Variants in WWP1 observed in about 807,000 individuals in gnomAD.
The protein encoded by WWP1 is NEDD4-like E3 ubiquitin-protein ligase WWP1.
Under a neutral mutation model 130.6 loss-of-function variants are expected in WWP1, and 49 were observed. The observed-to-expected ratio is 0.38, with a 90% CI of 0.30 to 0.48. The LOEUF is 0.48. WWP1 is among the 20% of genes least tolerant of loss of function. The pLI, the probability that WWP1 is intolerant of heterozygous loss-of-function variation, is 0.99. For synonymous variants in WWP1, 332 were observed against 367.8 expected, an observed-to-expected ratio of 0.90 and a Z score of 1.11; for missense variants, 809 against 1,100.6, an observed-to-expected ratio of 0.74 and a Z score of 3.75.
chr8:86,457,164 AAG>A (rs1392710341), intron 21 of WWP1, among the ~76,000 whole-genome samples: 1 of 151,970 alleles, frequency 6.6e-6, no homozygotes, highest in Non-Finnish European at 1.5e-5. Flanking sequence ...GAAAAAAACT[AAG>A]AGATTAAGTA....
At chr8:86,397,681 G>A (rs1807753807) in intron 5 of WWP1, among the ~76,000 whole-genome samples, 1 of 152,072 alleles carries the variant, frequency 6.6e-6, no homozygotes, top group Admixed American at 6.6e-5. Flanking sequence ...TAAATATATA[G>A]TCTAACATAG....
At chr8:86,371,098 G>A (rs1202631785) in intron 2 of WWP1, among the ~76,000 whole-genome samples, 1 of 136,766 alleles carries the variant, frequency 7.3e-6, no homozygotes, top group African/African-American at 2.8e-5. Flanking sequence ...GGCTGTTCTT[G>A]AACTTGACCT....
intron 3 of WWP1, among the ~76,000 whole-genome samples, chr8:86,378,001 T>G (rs1824769868): frequency 6.6e-6 from 1 of 152,214 alleles, no homozygotes; most frequent in Admixed American, 6.5e-5. Flanking sequence ...AATGCCACTG[T>G]TATGCATTAG....
chr8:86,398,519 A>G (rs1233134973), intron 6 of WWP1, 40 bp downstream of exon 6: 2 of 1,609,334 alleles, frequency 1.2e-6, no homozygotes, highest in Non-Finnish European at 1.7e-6. Flanking sequence ...TCAAGGAAAA[A>G]GAATAAGCAA....
intron 1 of WWP1, among the ~76,000 whole-genome samples, chr8:86,352,598 C>T (rs553878344): frequency 3.3e-5 from 5 of 152,130 alleles, no homozygotes; most frequent in African/African-American, 9.6e-5. Context: ...CTCCTGGACT[C>T]AAGTGATCCT....
intron 3 of WWP1, among the ~76,000 whole-genome samples, chr8:86,376,687 T>C (rs1448441056): frequency 2.0e-5 from 3 of 151,894 alleles, no homozygotes; most frequent in Admixed American, 2.0e-4. Flanking sequence ...AGTTGGAAAA[T>C]AGATGTGGAC....
At chr8:86,426,433 G>T (rs933425412) in intron 10 of WWP1, among the ~76,000 whole-genome samples, 1 of 152,164 alleles carries the variant, frequency 6.6e-6, no homozygotes, top group Non-Finnish European at 1.5e-5. Flanking sequence ...GACAAAAATT[G>T]GTTTAATAGA....
At chr8:86,394,834 T>A (rs1447814565) in intron 5 of WWP1, among the ~76,000 whole-genome samples, 1 of 150,602 alleles carries the variant, frequency 6.6e-6, no homozygotes, top group African/African-American at 2.5e-5. Context: ...AAATAATATA[T>A]ACTGTAAACA....
At chr8:86,347,318 TA>T (rs1458557682) in intron 1 of WWP1, among the ~76,000 whole-genome samples, 4 of 151,322 alleles carry the variant, frequency 2.6e-5, no homozygotes, top group African/African-American at 7.3e-5. Flanking sequence ...ATGCTGAGGC[TA>T]AAAAAAAAGT....
Position 86,461,414 on chromosome 8 carries a change from C to T in WWP1, c.2596+94C>T. On this transcript the variant is annotated intron_variant, in intron 23 of 24. Coordinates refer to ENST00000517970, the MANE Select transcript of WWP1 (RefSeq NM_007013.4). ...TAGACTTGATTGAACCTAAAGATTA[C>T]TCTTCTGTGCTGTAGGTAGGGCTTC... The T allele has an allele frequency of 3.7e-6, 4 of 1,075,412 alleles. No individual in the cohort carries two copies. In the South Asian group the frequency reaches 5.5e-5, roughly 15 times the overall value. The allele number at this position is 1,075,412 out of a possible 1,614,324, so 66.6% of individuals were successfully genotyped here.
chr8:86,425,129 C>A, intron 9 of WWP1, 94 bp from the exon 10 acceptor site: 1 of 865,484 alleles, frequency 1.2e-6, no homozygotes, highest in Non-Finnish European at 1.8e-6. Flanking sequence ...TAATGTAAAG[C>A]TTATCTGTAA....
chr8:86,347,578 A>G (rs565237426), intron 1 of WWP1, among the ~76,000 whole-genome samples: 121 of 152,224 alleles, frequency 7.9e-4, no homozygotes, highest in Non-Finnish European at 1.3e-3. Context: ...TAAAATGGTA[A>G]TCTCACTGCA....
At chr8:86,452,720 G>C (rs372062503) in intron 21 of WWP1, 41 bp downstream of exon 21, 2 of 1,604,028 alleles carry the variant, frequency 1.2e-6, no homozygotes, top group Non-Finnish European at 1.7e-6. Flanking sequence ...AATGTTAGTG[G>C]GGGGAGGGAC....
At chr8:86,396,943 G>T (rs1807711506) in intron 5 of WWP1, among the ~76,000 whole-genome samples, 1 of 151,956 alleles carries the variant, frequency 6.6e-6, no homozygotes, top group Non-Finnish European at 1.5e-5. Context: ...TGTGTTGCTG[G>T]TCTCAAACTC....
At chr8:86,400,992 A>G (rs1038480030) in intron 7 of WWP1, among the ~76,000 whole-genome samples, 2 of 150,594 alleles carry the variant, frequency 1.3e-5, no homozygotes, top group African/African-American at 2.4e-5. Context: ...ATAATTTCCA[A>G]TTGCTTTGAA....
chr8:86,347,940 G>T (rs1822683003), intron 1 of WWP1, among the ~76,000 whole-genome samples: 1 of 152,024 alleles, frequency 6.6e-6, no homozygotes, highest in Non-Finnish European at 1.5e-5. Context: ...ATTCACTGGA[G>T]TATTTCAGAT....
intron 24 of WWP1, among the ~76,000 whole-genome samples, chr8:86,463,270 T>G (rs1421843367): frequency 2.0e-5 from 3 of 152,150 alleles, no homozygotes; most frequent in African/African-American, 4.8e-5. Context: ...GACAGCTTCT[T>G]AAGACTTTCC....
At chr8:86,367,069 A>G (rs778080699) in intron 1 of WWP1, among the ~76,000 whole-genome samples, 9 of 152,190 alleles carry the variant, frequency 5.9e-5, no homozygotes, top group Non-Finnish European at 1.2e-4. Context: ...AGCTTTGCCT[A>G]AGTGCAGGCT....
Position 86,452,684 on chromosome 8 carries a change from G to A in WWP1, c.2394+5G>A. The stretch of plus-strand genomic sequence containing the variant: ...TTCGATGAAAAAGAATTAGAGGTTA[G>A]GCCCTTTTATTATGCTATTGTAGGG... On this transcript the variant is annotated splice_donor_5th_base_variant and intron_variant, in intron 21 of 24. Coordinates refer to ENST00000517970, the MANE Select transcript of WWP1 (RefSeq NM_007013.4). 1.2e-6 allele frequency: 2 copies of A among 1,611,662 alleles called. No individual in the cohort carries two copies. Among genetic ancestry groups the A allele is most frequent in the Non-Finnish European group, 1.7e-6 (2 of 1,179,098 alleles).
Sources: gnomAD v4.1 joint callset for allele counts (sites outside exome capture counted in the v4.1 genomes callset) on GRCh38, gnomAD v4.1.1 for gene constraint, MANE v1.5 for transcripts, NCBI Gene and HGNC (gene_info 2026-07-23, HGNC 2026-07-21) for gene names.